Variants in SLBP observed in about 807,000 individuals in gnomAD.
SLBP encodes the protein stem-loop histone mRNA binding protein, also known as histone RNA hairpin-binding protein.
Under a neutral mutation model 39.2 loss-of-function variants are expected in SLBP, and 29 were observed. The observed-to-expected ratio is 0.74, with a 90% CI of 0.55 to 1.01. The LOEUF is 1.01. Among genes scored for constraint, SLBP ranks in the 50% least tolerant of loss-of-function variants. The probability of loss-of-function intolerance (pLI) is 0.00; values close to 1 mark genes in which losing one functional copy is unlikely to be tolerated. For missense variants in SLBP, 390 were observed against 350.2 expected (o/e 1.11, Z -0.91); for synonymous variants, 129 against 118.7 (o/e 1.09, Z -0.57).
chr4:1,703,544 T>C lies in SLBP; in HGVS notation c.281+52A>G. On this transcript the variant is annotated intron_variant, in intron 3 of 7. Transcript: ENST00000489418. ...TCTAAGACAAATATCAAATTTAATG[T>C]GTTACTGAAAACGCCACAGATTAAC... 4.6e-6 allele frequency: 5 copies of C among 1,087,716 alleles called. No homozygotes were observed. In the South Asian group the frequency reaches 6.2e-5, roughly 14 times the overall value. 67.4% of individuals were successfully genotyped at this position (1,087,716 alleles called of 1,614,324 possible).
At chr4:1,705,453 TG>T (rs1716481621) in intron 2 of SLBP, among the ~76,000 whole-genome samples, 1 of 152,244 alleles carries the variant, frequency 6.6e-6, no homozygotes, top group Admixed American at 6.5e-5. Context: ...TGATCATGGA[TG>T]TAGCACACAC....
chr4:1,705,762 TA>T (rs1438592555), intron 2 of SLBP, among the ~76,000 whole-genome samples: 1 of 152,222 alleles, frequency 6.6e-6, no homozygotes, highest in African/African-American at 2.4e-5. Context: ...TCATGTGTGC[TA>T]ATATGCAGTA....
intron 3 of SLBP, among the ~76,000 whole-genome samples, chr4:1,701,471 A>G (rs979437652): frequency 5.3e-5 from 8 of 152,104 alleles, no homozygotes; most frequent in African/African-American, 1.9e-4. Context: ...ATACTCTTAT[A>G]TTGCTAGTTT....
Position 1,712,036 on chromosome 4 carries a change from G to T in SLBP, c.60-46C>A, listed in dbSNP as rs1456724015. On this transcript the variant is annotated intron_variant, in intron 1 of 7. Transcript: ENST00000489418. ...GGCTGGGCACGGGAGGTTCGGGACC[G>T]CCTTACAACCTCCGCCCTCCCACAC... 7 of 1,247,112 alleles carry T rather than the reference G, an allele frequency of 5.6e-6. No homozygotes were observed. In the East Asian group the frequency reaches 9.5e-5, roughly 17 times the overall value. The allele number at this position is 1,247,112 out of a possible 1,614,324, so 77.3% of individuals were successfully genotyped here.
chr4:1,710,870 T>C (rs1716736476), intron 2 of SLBP, among the ~76,000 whole-genome samples: 2 of 150,528 alleles, frequency 1.3e-5, no homozygotes, highest in Non-Finnish European at 1.5e-5. Context: ...GTCAACATGG[T>C]GAAACCCTGT....
Position 1,693,557 on chromosome 4 carries a change from C to A in SLBP, c.*40G>T. 3 of 1,235,244 alleles carry A rather than the reference C, an allele frequency of 2.4e-6. No homozygotes were observed. The highest frequency in any genetic ancestry group is 1.2e-5 in the South Asian group (1 of 82,994). The allele number at this position is 1,235,244 out of a possible 1,614,324, so 76.5% of individuals were successfully genotyped here. A position where few individuals can be genotyped will look rare whatever the true frequency, so the allele number is the denominator to read the frequency against. ...GTGCCTGGCCAGCCTTCCACCTAGT[C>A]GGGGAGGAGCTGTTTCTCTTCCTGG... On this transcript the variant is annotated 3_prime_UTR_variant, in exon 8 of 8. Coordinates refer to ENST00000489418, the MANE Select transcript of SLBP (RefSeq NM_006527.4).
chr4:1,696,278 G>A lies in SLBP; in HGVS notation c.553C>T (p.Gln185Ter). The A allele has an allele frequency of 1.2e-6, 2 of 1,604,138 alleles. No individual in the cohort carries two copies. Among genetic ancestry groups the A allele is most frequent in the Non-Finnish European group, 1.7e-6 (2 of 1,176,026 alleles). ...GCCACCTTCCAGAGTTTGATTTGCTGGTCCCATGAACGTCGACTATACTTC... is the reference window on the plus strand; with the variant it reads ...GCCACCTTCCAGAGTTTGATTTGCTAGTCCCATGAACGTCGACTATACTTC... Reference protein sequence around the residue: ...FKKYSRRSWDQQIKLWKVALH... With the variant: ...FKKYSRRSWD The change falls in exon 6 of 8, where the codon CAG becomes TAG. Residue 185 changes from glutamine (Q) to a stop codon, truncating the protein, a stop_gained. Transcript: ENST00000489418. LOFTEE classifies it high-confidence loss of function.
intron 7 of SLBP, 61 bp from the exon 8 acceptor site, chr4:1,693,774 C>T: frequency 2.1e-6 from 2 of 954,486 alleles, no homozygotes; most frequent in South Asian, 2.6e-5. Flanking sequence ...GGGGCCCCTT[C>T]CTACACCCCA....
Position 1,712,216 on chromosome 4 carries a change from G to A in SLBP, c.-28C>T. On this transcript the variant is annotated 5_prime_UTR_variant, in exon 1 of 8. Coordinates refer to ENST00000489418, the MANE Select transcript of SLBP (RefSeq NM_006527.4). Reference sequence around the variant, plus strand: ...CAGCACGGGCCGGGCGCGCAGCGCAGGGCCGAGGCTGAGGCGGCGGCGGCG... The same window carrying A: ...CAGCACGGGCCGGGCGCGCAGCGCAAGGCCGAGGCTGAGGCGGCGGCGGCG... 3.2e-6 allele frequency: 4 copies of A among 1,250,276 alleles called. No individual in the cohort carries two copies. Among genetic ancestry groups the A allele is most frequent in the Non-Finnish European group, 1.0e-6 (1 of 991,306 alleles). 77.4% of individuals were successfully genotyped at this position (1,250,276 alleles called of 1,614,324 possible). A position where few individuals can be genotyped will look rare whatever the true frequency, so the allele number is the denominator to read the frequency against.
At chr4:1,699,787 A>C in intron 4 of SLBP, 86 bp from the exon 5 acceptor site, 1 of 1,277,596 alleles carries the variant, frequency 7.8e-7, no homozygotes, top group Non-Finnish European at 1.1e-6. Flanking sequence ...TCAAAACACA[A>C]TAATGGAAGA....
intron 1 of SLBP, 65 bp from the exon 2 acceptor site, chr4:1,712,055 C>T: frequency 8.1e-7 from 1 of 1,238,790 alleles, no homozygotes; most frequent in Non-Finnish European, 1.0e-6. Context: ...CCTCCGCCCT[C>T]CCACACCCCG....
At chr4:1,707,601 T>C (rs892914675) in intron 2 of SLBP, among the ~76,000 whole-genome samples, 1 of 152,098 alleles carries the variant, frequency 6.6e-6, no homozygotes, top group African/African-American at 2.4e-5. Flanking sequence ...AGACATAAAC[T>C]CACATTTTTA....
intron 2 of SLBP, among the ~76,000 whole-genome samples, chr4:1,705,378 C>G (rs1716479053): frequency 6.6e-6 from 1 of 152,230 alleles, no homozygotes; most frequent in Admixed American, 6.5e-5. Context: ...GGCTTATTAA[C>G]AAACTTCTGA....
At chr4:1,695,058 A>G (rs1411527593) in intron 6 of SLBP, among the ~76,000 whole-genome samples, 1 of 152,212 alleles carries the variant, frequency 6.6e-6, no homozygotes, top group African/African-American at 2.4e-5. Context: ...AGCAACAAAA[A>G]GATCTGCTGG....
intron 3 of SLBP, among the ~76,000 whole-genome samples, chr4:1,701,207 G>A (rs986791907): frequency 1.4e-5 from 2 of 147,868 alleles, no homozygotes; most frequent in Non-Finnish European, 3.0e-5. Context: ...GTGCAATGGC[G>A]AGATCTCGGC....
chr4:1,701,146 C>CTTTTTTTTTTTT lies in SLBP; in HGVS notation c.282-1088_282-1077dup, dbSNP rs369039404. Among the ~76,000 whole-genome samples the CTTTTTTTTTTTT allele has an allele frequency of 7.0e-4, 87 of 123,632 alleles. 1 individual carries two copies. Among genetic ancestry groups the CTTTTTTTTTTTT allele is most frequent in the Non-Finnish European group, 1.1e-3 (64 of 60,622 alleles). 81.1% of individuals were successfully genotyped at this position (123,632 alleles called of 152,430 possible). A position where few individuals can be genotyped will look rare whatever the true frequency, so the allele number is the denominator to read the frequency against. On this transcript the variant is annotated intron_variant, in intron 3 of 7. Transcript: ENST00000489418. ...GATGAAAATCCATTTTCTTTTTTTT[C>CTTTTTTTTTTTT]TTTTTTTTTTTTTTTTTGAGACGGA...
intron 6 of SLBP, among the ~76,000 whole-genome samples, chr4:1,695,122 A>AG (rs1716059147): frequency 6.6e-6 from 1 of 152,186 alleles, no homozygotes; most frequent in African/African-American, 2.4e-5. Context: ...CCAATTTTTG[A>AG]GGGGGAGAAA....
At chr4:1,701,236 C>G (rs1716316701) in intron 3 of SLBP, among the ~76,000 whole-genome samples, 1 of 150,762 alleles carries the variant, frequency 6.6e-6, no homozygotes, top group African/African-American at 2.4e-5. Flanking sequence ...ACCTCCGCCT[C>G]CCGGGTCCAA....
At chr4:1,706,391 T>C (rs1716518366) in intron 2 of SLBP, among the ~76,000 whole-genome samples, 1 of 152,098 alleles carries the variant, frequency 6.6e-6, no homozygotes, top group Admixed American at 6.5e-5. Context: ...TATGGAGGAG[T>C]ATATGTCAGA....
Sources: allele counts gnomAD v4.1 joint callset (sites outside exome capture counted in the v4.1 genomes callset), GRCh38; gene constraint gnomAD v4.1.1; transcripts MANE v1.5; gene names NCBI Gene and HGNC (gene_info 2026-07-23, HGNC 2026-07-21).